Variants in FXR1 observed in about 807,000 individuals in gnomAD.
FXR1 encodes the protein RNA-binding protein FXR1.
In FXR1, 15 loss-of-function variants were observed where a neutral mutation model predicts 84.0. That is an observed-to-expected ratio of 0.18 (90% CI 0.12 to 0.27). The LOEUF (loss-of-function observed/expected upper bound fraction) is 0.27, where lower values mean the gene tolerates loss of function less well. FXR1 is among the 10% of genes least tolerant of loss of function. FXR1 has a pLI of 1.00. For synonymous variants in FXR1, 245 were observed against 250.7 expected, an observed-to-expected ratio of 0.98 and a Z score of 0.21; for missense variants, 480 against 774.4, an observed-to-expected ratio of 0.62 and a Z score of 4.51.
At chr3:180,963,148 T>A (rs1005652975) in intron 13 of FXR1, 58 bp downstream of exon 13, 1 of 714,550 alleles carries the variant, frequency 1.4e-6, no homozygotes, top group Non-Finnish European at 2.4e-6. Context: ...AGTTATAGTT[T>A]AGGTGCTCTA....
rs932320681 is a variant in FXR1, at chr3:180,970,290, A to T, written c.1535A>T (p.Asp512Val). 1.9e-6 allele frequency: 3 copies of T among 1,606,340 alleles called. No homozygotes were observed. Among genetic ancestry groups the T allele is most frequent in the Non-Finnish European group, 2.6e-6 (3 of 1,174,030 alleles). ...AGGCGGTCTCGTAGACGAAGGACTG[A>T]TGAAGATGCTGTTCTGATGGATGGA... ...RRRRSRRRRT[D>V]EDAVLMDGMT... The change falls in exon 15 of 17, where the codon GAT (aspartate) becomes GTT (valine). Residue 512 changes from aspartate (D) to valine (V), a missense_variant. Physicochemically the swap from Asp to Val is radical, Grantham distance 152. Around this residue, in one of 6 missense-constraint regions of FXR1, gnomAD observed 157 missense variants for 227.8 expected, o/e 0.69. Coordinates refer to ENST00000357559, the MANE Select transcript of FXR1 (RefSeq NM_005087.4).
At chr3:180,960,680 G>A (rs1711982773) in intron 10 of FXR1, among the ~76,000 whole-genome samples, 1 of 151,958 alleles carries the variant, frequency 6.6e-6, no homozygotes, top group Admixed American at 6.6e-5. Flanking sequence ...GCCCAGGCTG[G>A]TCTCGAACTC....
At position 180,979,947 on chromosome 3, in the gene FXR1, T is replaced by C. The variant is rs180725645; in HGVS notation, c.*3655T>C. 3 of 152,220 alleles carry C rather than the reference T, an allele frequency of 2.0e-5. No individual in the cohort carries two copies. Among genetic ancestry groups the C allele is most frequent in the East Asian group, 3.9e-4 (2 of 5,184 alleles). The allele number at this position is 152,220 out of a possible 1,614,324, so 9.4% of individuals were successfully genotyped here. On this transcript the variant is annotated 3_prime_UTR_variant, in exon 17 of 17. Transcript: ENST00000357559. The stretch of plus-strand genomic sequence containing the variant: ...AAAACTATATTCTAGTTTTGTAAGA[T>C]GATTTCCCACAGTCCATTTGCTTAT...
chr3:180,968,454 T>C (rs1713119481), intron 14 of FXR1, 200 bp downstream of exon 14: 1 of 469,906 alleles, frequency 2.1e-6, no homozygotes, highest in African/African-American at 1.9e-5. Flanking sequence ...TAGAATATAC[T>C]GGTCAGAACT....
chr3:180,929,766 T>C (rs993838806), intron 1 of FXR1, among the ~76,000 whole-genome samples: 10 of 152,220 alleles, frequency 6.6e-5, no homozygotes, highest in African/African-American at 1.2e-4. Context: ...TTTAAAAGTA[T>C]TGACTGTGTC....
At chr3:180,949,204 G>A in intron 6 of FXR1, 23 bp from the exon 7 acceptor site, 1 of 1,148,482 alleles carries the variant, frequency 8.7e-7, no homozygotes, top group Non-Finnish European at 1.3e-6. Context: ...AAAGTTTTGA[G>A]TAATTAGCTT....
chr3:180,927,699 A>G (rs1719393880), intron 1 of FXR1: 2 of 494,546 alleles, frequency 4.0e-6, no homozygotes, highest in Non-Finnish European at 7.1e-6. Flanking sequence ...ATAGTAAGGT[A>G]GGATCTACAA....
At chr3:180,932,094 CT>C (rs1406664706) in intron 1 of FXR1, among the ~76,000 whole-genome samples, 1 of 34,610 alleles carries the variant, frequency 2.9e-5, no homozygotes. Flanking sequence ...AAAAAAACAA[CT>C]TTTTTGTTGT....
intron 9 of FXR1, among the ~76,000 whole-genome samples, chr3:180,955,798 A>G (rs1436012540): frequency 6.6e-6 from 1 of 152,218 alleles, no homozygotes. Flanking sequence ...TGATATTTCA[A>G]AAATAAGAAA....
At chr3:180,940,585 C>CTTTTTTTT (rs58770842) in intron 3 of FXR1, among the ~76,000 whole-genome samples, 3,907 of 147,172 alleles carry the variant, frequency 0.027, 171 homozygotes, top group African/African-American at 0.094. Context: ...TTTCTGTTTT[C>CTTTTTTTT]TTTTTTTTTT....
At position 180,979,668 on chromosome 3, in the gene FXR1, A is replaced by G. The variant is rs1406778329; in HGVS notation, c.*3376A>G. ...GTTTTATTTCAGGAGCTTTTGCAAT[A>G]AAGCAGTAACTGCAATCTGCTAAAG... On this transcript the variant is annotated 3_prime_UTR_variant, in exon 17 of 17. Coordinates refer to ENST00000357559, the MANE Select transcript of FXR1 (RefSeq NM_005087.4). The G allele has an allele frequency of 6.6e-6, 1 of 152,060 alleles. No individual in the cohort carries two copies. Among genetic ancestry groups the G allele is most frequent in the Non-Finnish European group, 1.5e-5 (1 of 67,960 alleles). 9.4% of individuals were successfully genotyped at this position (152,060 alleles called of 1,614,324 possible).
intron 13 of FXR1, 67 bp downstream of exon 13, chr3:180,963,157 T>C (rs1712356657): frequency 2.9e-6 from 2 of 684,868 alleles, no homozygotes; most frequent in South Asian, 3.5e-5. Context: ...TTAGGTGCTC[T>C]AACACATTTT....
rs1560029852 is a variant in FXR1 at position 180,976,370 on chromosome 3, T to C, written c.*78T>C. ...TTGTACAAGCTTGCCAAAGATAGAA[T>C]ATGGATCGCCAGTCTTTACATCGCA... On this transcript the variant is annotated 3_prime_UTR_variant, in exon 17 of 17. Coordinates refer to ENST00000357559, the MANE Select transcript of FXR1 (RefSeq NM_005087.4). 4.1e-6 allele frequency: 4 copies of C among 969,038 alleles called. No homozygotes were observed. Among genetic ancestry groups the C allele is most frequent in the Non-Finnish European group, 4.6e-6 (3 of 659,192 alleles). 60.0% of individuals were successfully genotyped at this position (969,038 alleles called of 1,614,324 possible).
intron 1 of FXR1, among the ~76,000 whole-genome samples, chr3:180,927,027 G>C (rs1357980766): frequency 2.6e-5 from 4 of 151,982 alleles, no homozygotes; most frequent in Non-Finnish European, 5.9e-5. Context: ...TTTTCTTTCA[G>C]CTTGAATCCA....
At chr3:180,933,455 G>A (rs1450223124) in intron 2 of FXR1, 69 bp downstream of exon 2, 27 of 826,394 alleles carry the variant, frequency 3.3e-5, no homozygotes, top group Non-Finnish European at 4.9e-5. Flanking sequence ...GCTTTTGGGT[G>A]TTCCTACTGC....
At chr3:180,944,819 C>T (rs1667160730) in intron 3 of FXR1, among the ~76,000 whole-genome samples, 1 of 152,130 alleles carries the variant, frequency 6.6e-6, no homozygotes, top group Non-Finnish European at 1.5e-5. Flanking sequence ...GATGGTGTTT[C>T]ACCATGTTGT....
intron 2 of FXR1, among the ~76,000 whole-genome samples, chr3:180,934,131 T>C (rs903348917): frequency 7.9e-5 from 12 of 152,088 alleles, no homozygotes; most frequent in Non-Finnish European, 2.9e-5. Flanking sequence ...CACTGTTTAA[T>C]TGATGGTCAG....
intron 10 of FXR1, among the ~76,000 whole-genome samples, chr3:180,959,965 TC>T (rs570611751): frequency 9.7e-4 from 147 of 152,180 alleles, no homozygotes; most frequent in African/African-American, 3.4e-3. Flanking sequence ...AACAAAAAAA[TC>T]CCTAAACCAT....
At position 180,975,366 on chromosome 3, in the gene FXR1, C is replaced by G. The variant is rs1714093210; in HGVS notation, c.1657C>G (p.Leu553Val). The stretch of plus-strand genomic sequence containing the variant: ...TGAGTCTCAGAGCAGACAAAGAAAC[C>G]TCCCAAGGGAAACTTTGGCTAAAAA... ...RAESQSRQRNLPRETLAKNKK... is the reference protein window; with the variant it reads ...RAESQSRQRNVPRETLAKNKK... The change falls in exon 16 of 17, where the codon CTC (leucine) becomes GTC (valine). Residue 553 changes from leucine to valine, a missense_variant. By Grantham distance (32) the Leu-to-Val change is conservative. Around this residue, in one of 6 missense-constraint regions of FXR1, gnomAD observed 94 missense variants for 81.8 expected, o/e 1.15. Coordinates refer to ENST00000357559, the MANE Select transcript of FXR1 (RefSeq NM_005087.4). 3 of 1,537,386 alleles carry G rather than the reference C, an allele frequency of 2.0e-6. No homozygotes were observed. In the East Asian group the frequency reaches 6.8e-5, roughly 35 times the overall value.
Sources: allele counts gnomAD v4.1 joint callset (sites outside exome capture counted in the v4.1 genomes callset), GRCh38; gene constraint gnomAD v4.1.1; regional missense constraint gnomAD v4.1.1; transcripts MANE v1.5; gene names NCBI Gene and HGNC (gene_info 2026-07-23, HGNC 2026-07-21).